CYYR1: variants seen among roughly 807,000 people sequenced by gnomAD.
CYYR1 encodes the protein cysteine and tyrosine rich 1, also known as cysteine and tyrosine-rich protein 1.
In CYYR1, 14 loss-of-function variants were observed where a neutral mutation model predicts 15.2. The observed-to-expected ratio is 0.92, with a 90% CI of 0.61 to 1.44. The LOEUF is 1.44. Ranked by LOEUF, CYYR1 falls within the 40% of genes most tolerant of loss-of-function variation. The pLI, the probability that CYYR1 is intolerant of heterozygous loss-of-function variation, is 0.00. For missense variants in CYYR1, 228 were observed against 209.5 expected (o/e 1.09, Z -0.54); for synonymous variants, 80 against 77.4 (o/e 1.03, Z -0.18).
chr21:26,507,017 A>G (rs1253998772), intron 2 of CYYR1, among the ~76,000 whole-genome samples: 2 of 152,202 alleles, frequency 1.3e-5, no homozygotes, highest in Non-Finnish European at 2.9e-5. Context: ...GTAATAATGC[A>G]ACTTCAAAAA....
At chr21:26,533,750 C>T (rs1342796101) in intron 2 of CYYR1, among the ~76,000 whole-genome samples, 1 of 152,106 alleles carries the variant, frequency 6.6e-6, no homozygotes, top group African/African-American at 2.4e-5. Flanking sequence ...GTTGTTATTG[C>T]TGCTGTTGTT....
chr21:26,497,862 C>G (rs1014827233), intron 2 of CYYR1, among the ~76,000 whole-genome samples: 3 of 152,152 alleles, frequency 2.0e-5, no homozygotes, highest in Admixed American at 6.5e-5. Context: ...TGACCACTTC[C>G]CTTCAGCAGA....
At position 26,545,567 on chromosome 21, in the gene CYYR1, C is replaced by CTTT. The variant is rs770885517; in HGVS notation, c.176+20696_176+20698dup. Among the ~76,000 whole-genome samples, 110 of 73,750 alleles carry CTTT rather than the reference C, an allele frequency of 1.5e-3. 20 individuals are homozygous for CTTT. Among genetic ancestry groups the CTTT allele is most frequent in the South Asian group, 3.7e-3 (6 of 1,642 alleles). The allele number at this position is 73,750 out of a possible 152,430, so 48.4% of individuals were successfully genotyped here. ...CCTTCTGGTTAATAAGATGCTTATT[C>CTTT]TTTTTTTTTTTTTTTTTTTTTTTTT... On this transcript the variant is annotated intron_variant, in intron 2 of 3. Coordinates refer to ENST00000652641, the MANE Select transcript of CYYR1 (RefSeq NM_001320768.2).
chr21:26,566,285 A>AAGCGTAGT lies in CYYR1; in HGVS notation c.149_156dup (p.Tyr53ThrfsTer21). The AAGCGTAGT allele has an allele frequency of 1.2e-6, 2 of 1,613,528 alleles. No individual in the cohort carries two copies. The highest frequency in any genetic ancestry group is 1.7e-6 in the Non-Finnish European group (2 of 1,179,542). ...ACTCACGAGAGGATATTCCCAATAT[A>AAGCGTAGT]AGCGTAGTAGGAGCAACAGTAGGGC... On this transcript the variant is annotated frameshift_variant, in exon 2 of 4. Coordinates refer to ENST00000652641, the MANE Select transcript of CYYR1 (RefSeq NM_001320768.2). LOFTEE classifies it high-confidence loss of function.
chr21:26,500,032 CCAAGAT>C (rs1251885910), intron 2 of CYYR1, among the ~76,000 whole-genome samples: 1 of 151,914 alleles, frequency 6.6e-6, no homozygotes, highest in Non-Finnish European at 1.5e-5. Context: ...GCTGGGAAGT[CCAAGAT>C]CAAGGTGCTG....
intron 2 of CYYR1, among the ~76,000 whole-genome samples, chr21:26,531,224 A>G (rs2065926511): frequency 6.6e-6 from 1 of 152,196 alleles, no homozygotes; most frequent in Non-Finnish European, 1.5e-5. Context: ...TCAGTGGCTC[A>G]TGCTCACCAC....
intron 2 of CYYR1, among the ~76,000 whole-genome samples, chr21:26,531,800 A>C (rs960174044): frequency 6.6e-6 from 1 of 152,154 alleles, no homozygotes; most frequent in Non-Finnish European, 1.5e-5. Context: ...ATAAAGAGTA[A>C]ATATAAAAAC....
At chr21:26,517,680 C>T (rs982040654) in intron 2 of CYYR1, among the ~76,000 whole-genome samples, 12 of 152,086 alleles carry the variant, frequency 7.9e-5, no homozygotes, top group African/African-American at 2.9e-4. Context: ...CTCAGCCTCC[C>T]GAGTAGCTGG....
At chr21:26,562,799 A>ACACACACACACACAC (rs1980321214) in intron 2 of CYYR1, among the ~76,000 whole-genome samples, 13 of 132,488 alleles carry the variant, frequency 9.8e-5, no homozygotes, top group South Asian at 2.6e-4. Context: ...GACATACACA[A>ACACACACACACACAC]ACACACACAC....
intron 2 of CYYR1, among the ~76,000 whole-genome samples, chr21:26,489,845 A>G (rs986299948): frequency 6.6e-6 from 1 of 152,190 alleles, no homozygotes; most frequent in Admixed American, 6.5e-5. Context: ...CCCAGTAACA[A>G]CATGGAGATG....
chr21:26,496,794 A>G (rs2065410972), intron 2 of CYYR1, among the ~76,000 whole-genome samples: 1 of 152,194 alleles, frequency 6.6e-6, no homozygotes, highest in South Asian at 2.1e-4. Context: ...ATACTTATAG[A>G]ATATTTATGC....
At chr21:26,482,480 C>T in intron 2 of CYYR1, 2 of 985,260 alleles carry the variant, frequency 2.0e-6, no homozygotes, top group Non-Finnish European at 2.4e-6. Context: ...TGGAACTGTT[C>T]CCCTTGAGCC....
At chr21:26,513,873 A>T (rs1238618379) in intron 2 of CYYR1, among the ~76,000 whole-genome samples, 1 of 133,502 alleles carries the variant, frequency 7.5e-6, no homozygotes, top group African/African-American at 2.9e-5. Flanking sequence ...ATGAGAACAC[A>T]TGGACACAGG....
At chr21:26,492,127 A>G (rs2123446545) in intron 2 of CYYR1, among the ~76,000 whole-genome samples, 1 of 152,342 alleles carries the variant, frequency 6.6e-6, no homozygotes, top group East Asian at 1.9e-4. Flanking sequence ...AAAATTCACA[A>G]GCAACCTATT....
chr21:26,474,048 G>GTT (rs35327076), intron 3 of CYYR1, among the ~76,000 whole-genome samples: 5 of 105,074 alleles, frequency 4.8e-5, no homozygotes, highest in South Asian at 3.4e-4. Flanking sequence ...TTTTGTTTTC[G>GTT]TTTTTTTTTT....
chr21:26,558,431 C>G (rs1035642744), intron 2 of CYYR1, among the ~76,000 whole-genome samples: 1 of 152,248 alleles, frequency 6.6e-6, no homozygotes, highest in South Asian at 2.1e-4. Flanking sequence ...GCAATCCTCC[C>G]ACCTCAGCCT....
In CYYR1 at chr21:26,468,532, G is replaced by A. The variant is rs759066845; in HGVS notation, c.437C>T (p.Pro146Leu). ...CCTTGCGTTTCCAGGATAAGGAGGG[G>A]GTGGAGAACGCTGTGCTGGACCCTG... Reference protein sequence around the residue: ...TPQGPAQRSPPPPYPGNARK With the variant: ...TPQGPAQRSPLPPYPGNARK Residue 146 changes from proline (P) to leucine (L), a missense_variant, in exon 4 of 4, where the codon CCC becomes CTC. Transcript: ENST00000652641. The A allele has an allele frequency of 8.1e-6, 13 of 1,605,184 alleles. No individual in the cohort carries two copies. The highest frequency in any genetic ancestry group is 3.3e-5 in the Admixed American group (2 of 59,954).
At chr21:26,541,295 A>G (rs1366042097) in intron 2 of CYYR1, among the ~76,000 whole-genome samples, 1 of 152,192 alleles carries the variant, frequency 6.6e-6, no homozygotes, top group Non-Finnish European at 1.5e-5. Flanking sequence ...AATAGAGAAA[A>G]GACACCTTGA....
At chr21:26,530,105 TTG>T (rs2065913631) in intron 2 of CYYR1, among the ~76,000 whole-genome samples, 1 of 152,192 alleles carries the variant, frequency 6.6e-6, no homozygotes, top group South Asian at 2.1e-4. Context: ...CTGTATGACT[TTG>T]GATATTACTG....
Sources: allele counts gnomAD v4.1 joint callset (sites outside exome capture counted in the v4.1 genomes callset), GRCh38; gene constraint gnomAD v4.1.1; transcripts MANE v1.5; gene names NCBI Gene and HGNC (gene_info 2026-07-23, HGNC 2026-07-21).